The following NRCAM variants were observed in gnomAD, a reference collection of about 807,000 sequenced individuals.
The protein encoded by NRCAM is NgCAM-related cell adhesion molecule.
A neutral mutation model predicts 156.5 loss-of-function variants in NRCAM; 83 were observed. The observed-to-expected ratio is 0.53, with a 90% CI of 0.44 to 0.64. The LOEUF (loss-of-function observed/expected upper bound fraction) is 0.64. Among genes scored for constraint, NRCAM ranks in the 30% least tolerant of loss-of-function variants. The pLI, the probability that NRCAM is intolerant of heterozygous loss-of-function variation, is 0.00. For missense variants in NRCAM, 1,417 were observed against 1,597.3 expected, an observed-to-expected ratio of 0.89 and a Z score of 1.92; for synonymous variants, 538 against 563.9, an observed-to-expected ratio of 0.95 and a Z score of 0.65.
intron 3 of NRCAM, among the ~76,000 whole-genome samples, chr7:108,263,618 C>A (rs2154006702): frequency 6.6e-6 from 1 of 152,318 alleles, no homozygotes; most frequent in East Asian, 1.9e-4. Context: ...TCTCTGAAAC[C>A]CTTACCCCTA....
At position 108,299,117 on chromosome 7, in the gene NRCAM, AG is replaced by A. The variant is rs1242193058; in HGVS notation, c.-107+13547del. Among the ~76,000 whole-genome samples, 65 of 91,880 alleles carry A rather than the reference AG, an allele frequency of 7.1e-4. 1 individual carries two copies. Among genetic ancestry groups the A allele is most frequent in the Middle Eastern group, 4.7e-3 (1 of 212 alleles). 60.3% of individuals were successfully genotyped at this position (91,880 alleles called of 152,430 possible). A position where few individuals can be genotyped will look rare whatever the true frequency, so the allele number is the denominator to read the frequency against. On this transcript the variant is annotated intron_variant, in intron 3 of 32. Transcript: ENST00000379028. ...CAAGACTCCATCTCAAAAAAAAAAA[AG>A]AAAGAAAGAAAGAAAGAAAGAAAAG...
At chr7:108,384,006 A>C (rs1193445182) in intron 2 of NRCAM, among the ~76,000 whole-genome samples, 4 of 152,262 alleles carry the variant, frequency 2.6e-5, no homozygotes, top group African/African-American at 9.6e-5. Context: ...TAGTTCACCA[A>C]GGATAATAGC....
intron 3 of NRCAM, among the ~76,000 whole-genome samples, chr7:108,296,049 T>C (rs2098448441): frequency 6.6e-6 from 1 of 152,244 alleles, no homozygotes; most frequent in Non-Finnish European, 1.5e-5. Flanking sequence ...GCAAAGGCTA[T>C]TCTTTGTTTC....
chr7:108,181,994 T>A, intron 23 of NRCAM, 57 bp from the exon 24 acceptor site: 4 of 1,284,004 alleles, frequency 3.1e-6, no homozygotes, highest in Non-Finnish European at 4.5e-6. Flanking sequence ...ATTTCATCCA[T>A]AAATATGACT....
At chr7:108,318,039 CTTTTTTTTTTTT>C (rs779703662) in intron 2 of NRCAM, among the ~76,000 whole-genome samples, 3 of 72,816 alleles carry the variant, frequency 4.1e-5, no homozygotes, top group African/African-American at 1.2e-4. Context: ...TTCACTTTTC[CTTTTTTTTTTTT>C]TTTTTTTTTT....
chr7:108,195,609 C>CT, intron 15 of NRCAM, 152 bp downstream of exon 15: 1 of 573,084 alleles, frequency 1.7e-6, no homozygotes, highest in Non-Finnish European at 3.1e-6. Flanking sequence ...AAGTGAGACT[C>CT]TGTCTCACAA....
At position 108,271,666 on chromosome 7, in the gene NRCAM, C is replaced by T. The variant is rs118029090; in HGVS notation, c.-106-31496G>A. ...CAAGATTGTGCCATTGTACTCCAGC[C>T]TGGGTGACAACAGTGAGACTCCACG... On this transcript the variant is annotated intron_variant, in intron 3 of 32. Transcript: ENST00000379028. Among the ~76,000 whole-genome samples, 1,442 of 151,356 alleles carry T rather than the reference C, an allele frequency of 9.5e-3. 14 individuals carry two copies. The highest frequency in any genetic ancestry group is 0.015 in the Non-Finnish European group (995 of 67,908).
At chr7:108,278,454 C>T (rs2097728272) in intron 3 of NRCAM, among the ~76,000 whole-genome samples, 1 of 152,200 alleles carries the variant, frequency 6.6e-6, no homozygotes, top group Non-Finnish European at 1.5e-5. Context: ...GCTACTCAAG[C>T]CTCAGCAACG....
At chr7:108,233,338 A>G (rs1408817970) in intron 6 of NRCAM, among the ~76,000 whole-genome samples, 1 of 152,164 alleles carries the variant, frequency 6.6e-6, no homozygotes, top group Non-Finnish European at 1.5e-5. Context: ...GCTTATCTTT[A>G]TAGCAGTTGT....
At chr7:108,225,750 G>T in intron 9 of NRCAM, 49 bp from the exon 10 acceptor site, 2 of 1,152,426 alleles carry the variant, frequency 1.7e-6, no homozygotes, top group Non-Finnish European at 2.6e-6. Flanking sequence ...GGGGGAGAAG[G>T]GTCAAAAAGT....
chr7:108,250,815 C>T (rs1272877941), intron 3 of NRCAM, among the ~76,000 whole-genome samples: 3 of 152,118 alleles, frequency 2.0e-5, no homozygotes, highest in Non-Finnish European at 4.4e-5. Context: ...ACCCATTTTA[C>T]ATGATGTGAT....
At chr7:108,225,412 G>A (rs868514219) in intron 10 of NRCAM, among the ~76,000 whole-genome samples, 1 of 152,218 alleles carries the variant, frequency 6.6e-6, no homozygotes. Flanking sequence ...TTCTTTACAC[G>A]CAAACAGTTA....
intron 1 of NRCAM, among the ~76,000 whole-genome samples, chr7:108,421,436 C>T (rs999432189): frequency 6.6e-6 from 1 of 152,080 alleles, no homozygotes; most frequent in Non-Finnish European, 1.5e-5. Flanking sequence ...CATTGCAAGA[C>T]TAAGTCACCC....
At chr7:108,279,583 A>G (rs999678786) in intron 3 of NRCAM, among the ~76,000 whole-genome samples, 1 of 151,780 alleles carries the variant, frequency 6.6e-6, no homozygotes, top group African/African-American at 2.4e-5. Flanking sequence ...CAGTGGTGCG[A>G]TAATAGCTCA....
rs1308176605 is a variant in NRCAM at position 108,194,244 on chromosome 7, A to G, written c.1630+18T>C. 1 of 1,611,154 alleles carries G rather than the reference A, an allele frequency of 6.2e-7. No homozygotes were observed. Among genetic ancestry groups the G allele is most frequent in the Non-Finnish European group, 8.5e-7 (1 of 1,177,850 alleles). ...GTTCAAAGTCATTTAAAAATTAAAC[A>G]CATTACCTCTGCCTTACCTTTGATT... On this transcript the variant is annotated intron_variant, in intron 16 of 32. Transcript: ENST00000379028.
chr7:108,341,541 G>A (rs543910287), intron 2 of NRCAM, among the ~76,000 whole-genome samples: 24 of 152,222 alleles, frequency 1.6e-4, no homozygotes, highest in Admixed American at 1.4e-3. Flanking sequence ...GCAAAAGCAG[G>A]GGCCATTATA....
intron 3 of NRCAM, among the ~76,000 whole-genome samples, chr7:108,254,553 T>TTATTTA (rs1554406726): frequency 2.2e-5 from 3 of 138,978 alleles, no homozygotes; most frequent in African/African-American, 9.1e-5. Flanking sequence ...CAATTTTGCT[T>TTATTTA]TTTTTTTTTT....
intron 19 of NRCAM, among the ~76,000 whole-genome samples, chr7:108,189,977 G>A (rs1316421531): frequency 1.3e-5 from 2 of 152,128 alleles, no homozygotes; most frequent in African/African-American, 2.4e-5. Context: ...GGAAACGAAA[G>A]CATTTGTAAC....
rs1456365866 is a variant in NRCAM, at chr7:108,410,215, T to C, written c.-331-10622A>G. On this transcript the variant is annotated intron_variant, in intron 1 of 32. Transcript: ENST00000379028. Reference sequence around the variant, plus strand: ...TAGAAAAATATAAGCCCATATTAAATAGCCCTTGATTAAATTTGGGTGTTT... The same window carrying C: ...TAGAAAAATATAAGCCCATATTAAACAGCCCTTGATTAAATTTGGGTGTTT... 3.9e-5 allele frequency among the ~76,000 whole-genome samples: 6 copies of C among 152,246 alleles called. No individual in the cohort carries two copies. In the East Asian group the frequency reaches 5.8e-4, roughly 15 times the overall value.
Sources: allele counts gnomAD v4.1 joint callset (sites outside exome capture counted in the v4.1 genomes callset), GRCh38; gene constraint gnomAD v4.1.1; transcripts MANE v1.5; gene names NCBI Gene and HGNC (gene_info 2026-07-23, HGNC 2026-07-21).